Variants in FH observed in about 807,000 individuals in gnomAD.
FH encodes fumarate hydratase, mitochondrial.
Under a neutral mutation model 49.4 loss-of-function variants are expected in FH, and 22 were observed. The ratio of observed to expected loss-of-function variants is 0.45; its 90% CI spans 0.32 to 0.64. The LOEUF is 0.64. FH is among the 30% of genes least tolerant of loss of function. FH has a pLI of 0.05. For missense variants in FH, 526 were observed against 641.5 expected (o/e 0.82, Z 1.95); for synonymous variants, 208 against 223.0 (o/e 0.93, Z 0.60).
chr1:241,513,623 T>C lies in FH; in HGVS notation c.358A>G (p.Ile120Val), dbSNP rs199641124. The C allele has an allele frequency of 3.5e-5, 56 of 1,613,830 alleles. No homozygotes were observed. The highest frequency in any genetic ancestry group is 1.6e-4 in the Middle Eastern group (1 of 6,082). The part of the protein sequence containing the change: ...YGLDPKIANA[I>V]MKAADEVAEG... ...CCTACCTCATCTGCTGCCTTCATTA[T>C]TGCATTAGCAATCTTTGGATCAAGA... Residue 120 changes from isoleucine to valine, a missense_variant, in exon 3 of 10, where the codon ATA becomes GTA. Around this residue, in one of 2 missense-constraint regions of FH, gnomAD observed 383 missense variants for 514.0 expected, o/e 0.75. Coordinates refer to ENST00000366560, the MANE Select transcript of FH (RefSeq NM_000143.4).
intron 6 of FH, among the ~76,000 whole-genome samples, chr1:241,505,157 C>T (rs907013280): frequency 6.6e-6 from 1 of 151,982 alleles, no homozygotes; most frequent in Non-Finnish European, 1.5e-5. Context: ...GTGATCTGCC[C>T]ATCTTGGCCT....
At chr1:241,503,687 C>A (rs151219695) in intron 7 of FH, among the ~76,000 whole-genome samples, 1 of 152,252 alleles carries the variant, frequency 6.6e-6, no homozygotes, top group Non-Finnish European at 1.5e-5. Flanking sequence ...TCCAGACATA[C>A]ACTGTTGTGT....
At chr1:241,516,854 T>C (rs1660228987) in intron 2 of FH, among the ~76,000 whole-genome samples, 1 of 151,386 alleles carries the variant, frequency 6.6e-6, no homozygotes, top group Non-Finnish European at 1.5e-5. Context: ...AGTTTCACCA[T>C]GTTGGCCAGG....
intron 4 of FH, among the ~76,000 whole-genome samples, chr1:241,509,664 TGCTCAGGAA>T (rs1243627299): frequency 6.6e-6 from 1 of 152,116 alleles, no homozygotes; most frequent in Non-Finnish European, 1.5e-5. Flanking sequence ...TGGTCCCACT[TGCTCAGGAA>T]GCTAAGGCAT....
intron 1 of FH, 152 bp downstream of exon 1, chr1:241,519,439 G>A: frequency 2.1e-6 from 2 of 941,842 alleles, no homozygotes; most frequent in Non-Finnish European, 3.0e-6. Context: ...AGGCCGGGAG[G>A]CCCGCCACGC....
intron 2 of FH, among the ~76,000 whole-genome samples, chr1:241,514,791 C>G (rs1051079057): frequency 1.6e-4 from 25 of 152,142 alleles, no homozygotes; most frequent in South Asian, 8.3e-4. Context: ...ACGTTTGACT[C>G]AAACGAAATG....
chr1:241,505,636 A>G (rs530729720), intron 6 of FH, among the ~76,000 whole-genome samples: 29 of 152,352 alleles, frequency 1.9e-4, no homozygotes, highest in African/African-American at 6.7e-4. Context: ...ATAGGAAAAA[A>G]AAGAAATTAA....
chr1:241,498,555 A>G (rs1217013627), intron 9 of FH, among the ~76,000 whole-genome samples: 1 of 151,564 alleles, frequency 6.6e-6, no homozygotes, highest in Non-Finnish European at 1.5e-5. Flanking sequence ...CTCCTCCCAG[A>G]CATTACAGGG....
chr1:241,518,441 G>T (rs1275367501), intron 1 of FH, among the ~76,000 whole-genome samples: 1 of 152,148 alleles, frequency 6.6e-6, no homozygotes, highest in East Asian at 1.9e-4. Context: ...ATTCGAGCAG[G>T]GAGTTCGAGG....
At chr1:241,508,055 A>C (rs1317413387) in intron 5 of FH, among the ~76,000 whole-genome samples, 1 of 152,218 alleles carries the variant, frequency 6.6e-6, no homozygotes, top group African/African-American at 2.4e-5. Flanking sequence ...GATCCATCTT[A>C]AAAAGATCTA....
intron 1 of FH, among the ~76,000 whole-genome samples, chr1:241,518,385 T>A (rs1430416112): frequency 6.6e-6 from 1 of 152,134 alleles, no homozygotes; most frequent in East Asian, 1.9e-4. Context: ...AAATAAACAA[T>A]AAATAAATTT....
intron 6 of FH, among the ~76,000 whole-genome samples, chr1:241,505,027 G>A (rs1267610408): frequency 6.6e-6 from 1 of 151,252 alleles, no homozygotes; most frequent in Non-Finnish European, 1.5e-5. Context: ...TCCTGCCTCA[G>A]CCTCCCAAGT....
At chr1:241,517,412 A>AT in intron 1 of FH, 96 bp from the exon 2 acceptor site, 1 of 1,362,628 alleles carries the variant, frequency 7.3e-7, no homozygotes, top group Non-Finnish European at 1.0e-6. Context: ...AGAAACCTGA[A>AT]TAAGTATCAC....
chr1:241,518,121 T>A (rs928942800), intron 1 of FH, among the ~76,000 whole-genome samples: 1 of 152,196 alleles, frequency 6.6e-6, no homozygotes, highest in Non-Finnish European at 1.5e-5. Flanking sequence ...AAAAGGTACC[T>A]TAGGGCATCA....
intron 8 of FH, among the ~76,000 whole-genome samples, chr1:241,501,838 G>A (rs1272707751): frequency 6.6e-6 from 1 of 152,176 alleles, no homozygotes; most frequent in Non-Finnish European, 1.5e-5. Context: ...TCGTAAAGAC[G>A]AAAGAAAAAG....
intron 4 of FH, among the ~76,000 whole-genome samples, chr1:241,509,201 TAATTATATCA>T (rs1287870148): frequency 6.6e-6 from 1 of 151,696 alleles, no homozygotes; most frequent in African/African-American, 2.4e-5. Flanking sequence ...GAATATCTTA[TAATTATATCA>T]AATTACATCA....
rs398123163 is a variant in FH at position 241,500,533 on chromosome 1, CT to C, written c.1293del (p.Glu432LysfsTer17). 3.7e-6 allele frequency: 6 copies of C among 1,612,262 alleles called. No individual in the cohort carries two copies. Among genetic ancestry groups the C allele is most frequent in the Non-Finnish European group, 5.1e-6 (6 of 1,179,704 alleles). On this transcript the variant is annotated frameshift_variant, in exon 9 of 10. Transcript: ENST00000366560. LOFTEE classifies it high-confidence loss of function. ...RLLGDASVSF[T>X]ENCVVGIQAN... ...GCCTGGATTCCCACCACGCAGTTTT[CT>C]GTAAAGGAAACTGAAGCATCCCCCA... is the stretch of plus-strand genomic sequence containing the variant.
At chr1:241,503,620 C>T (rs901203212) in intron 7 of FH, among the ~76,000 whole-genome samples, 2 of 152,248 alleles carry the variant, frequency 1.3e-5, no homozygotes, top group Admixed American at 6.5e-5. Context: ...GCACTGCCCA[C>T]GCTTCTCCAC....
At chr1:241,498,695 A>T (rs928603220) in intron 9 of FH, among the ~76,000 whole-genome samples, 8 of 2,872 alleles carry the variant, frequency 2.8e-3, no homozygotes, top group African/African-American at 9.2e-3. Context: ...CTGTCTTAAC[A>T]TATATATATA....
Sources: allele counts gnomAD v4.1 joint callset (sites outside exome capture counted in the v4.1 genomes callset), GRCh38; gene constraint gnomAD v4.1.1; regional missense constraint gnomAD v4.1.1; transcripts MANE v1.5; gene names NCBI Gene and HGNC (gene_info 2026-07-23, HGNC 2026-07-21).